The following NRROS variants were observed in gnomAD, a reference collection of about 807,000 sequenced individuals.
NRROS encodes the protein negative regulator of reactive oxygen species.
Under a neutral mutation model 12.0 loss-of-function variants are expected in NRROS, and 6 were observed. The observed-to-expected ratio is 0.50, with a 90% CI of 0.27 to 0.98. The LOEUF (loss-of-function observed/expected upper bound fraction) is 0.98, where lower values mean the gene tolerates loss of function less well. Among genes scored for constraint, NRROS ranks in the 50% least tolerant of loss-of-function variants. The pLI is 0.11. For synonymous variants in NRROS, 462 were observed against 410.2 expected, an observed-to-expected ratio of 1.13 and a Z score of -1.53; for missense variants, 857 against 888.2, an observed-to-expected ratio of 0.96 and a Z score of 0.45.
intron 1 of NRROS, among the ~76,000 whole-genome samples, chr3:196,645,838 A>G (rs1457040569): frequency 6.6e-6 from 1 of 152,088 alleles, no homozygotes; most frequent in East Asian, 1.9e-4. Flanking sequence ...CCCAGGGTCC[A>G]CACGCTGCAG....
At position 196,660,377 on chromosome 3, in the gene NRROS, G is replaced by C. The variant is rs748408648; in HGVS notation, c.734G>C (p.Gly245Ala). ...YNVLEWFLAT[G>A]GEAAFELETL... Reference sequence around the variant, plus strand: ...GTCCTGGAGTGGTTCCTCGCGACCGGGGGAGAGGCTGCCTTCGAGCTGGAG... The same window carrying C: ...GTCCTGGAGTGGTTCCTCGCGACCGCGGGAGAGGCTGCCTTCGAGCTGGAG... The change falls in exon 3 of 3, where the codon GGG becomes GCG. Residue 245 changes from glycine to alanine, a missense_variant. By Grantham distance (60) the Gly-to-Ala change is moderately conservative. Transcript: ENST00000328557. The surrounding 1 kb of genome is among the most constrained non-coding windows in gnomAD (Gnocchi z 7.7). 6.2e-7 allele frequency: 1 copy of C among 1,614,030 alleles called. No homozygotes were observed. The highest frequency in any genetic ancestry group is 8.5e-7 in the Non-Finnish European group (1 of 1,179,992).
chr3:196,661,350 G>C lies in NRROS; in HGVS notation c.1707G>C (p.Ser569=). The C allele has an allele frequency of 1.3e-6, 2 of 1,580,692 alleles. No individual in the cohort carries two copies. The highest frequency in any genetic ancestry group is 1.2e-5 in the South Asian group (1 of 85,958). The change falls in exon 3 of 3, where the codon TCG becomes TCC. Residue 569 remains serine (S), a synonymous_variant. Transcript: ENST00000328557. ...AGACCCTGGATCTCCGTAGAAACTC[G>C]CTCACAGCCCTTCCCCAGAAGGCTG... ...ALETLDLRRN[S]LTALPQKAVS... is the part of the protein sequence containing the mutation.
chr3:196,640,900 G>A lies in NRROS; in HGVS notation c.-14+1025G>A, dbSNP rs536955371. On this transcript the variant is annotated intron_variant, in intron 1 of 2. Coordinates refer to ENST00000328557, the MANE Select transcript of NRROS (RefSeq NM_198565.3). The stretch of plus-strand genomic sequence containing the variant: ...GATGGGCACAGCCCGTTAGGAGTCT[G>A]GGTGCTAGAAACATTCAGCGTCTGT... 4.1e-4 allele frequency among the ~76,000 whole-genome samples: 63 copies of A among 152,306 alleles called. No homozygotes were observed. In the South Asian group the frequency reaches 0.013, roughly 31 times the overall value.
chr3:196,648,000 C>G (rs1259903750), intron 1 of NRROS, among the ~76,000 whole-genome samples: 1 of 152,196 alleles, frequency 6.6e-6, no homozygotes, highest in Non-Finnish European at 1.5e-5. Context: ...CTGTGCCCAG[C>G]CTGTATTTCC....
intron 1 of NRROS, among the ~76,000 whole-genome samples, chr3:196,647,646 C>T (rs1478941766): frequency 2.6e-5 from 4 of 152,326 alleles, no homozygotes; most frequent in Non-Finnish European, 5.9e-5. Flanking sequence ...GCAACCTCTG[C>T]CTCCCAGGTT....
chr3:196,650,500 G>A (rs763285065), intron 1 of NRROS, among the ~76,000 whole-genome samples: 6 of 151,748 alleles, frequency 4.0e-5, no homozygotes, highest in Non-Finnish European at 8.8e-5. Context: ...GGCTGGTCTC[G>A]AACTCCTGAG....
At position 196,661,787 on chromosome 3, in the gene NRROS, T is replaced by G; in HGVS notation, c.*65T>G. 7.1e-7 allele frequency: 1 copy of G among 1,403,656 alleles called. No individual in the cohort carries two copies. The highest frequency in any genetic ancestry group is 9.6e-7 in the Non-Finnish European group (1 of 1,040,592). 87.0% of individuals were successfully genotyped at this position (1,403,656 alleles called of 1,614,324 possible). On this transcript the variant is annotated 3_prime_UTR_variant, in exon 3 of 3. Coordinates refer to ENST00000328557, the MANE Select transcript of NRROS (RefSeq NM_198565.3). ...AACAGGACACTTTCTCTGCCAGCTT[T>G]CAAGATGTGATGCAGAGGCCAAGTC...
At position 196,661,768 on chromosome 3, in the gene NRROS, A is replaced by G. The variant is rs576465166; in HGVS notation, c.*46A>G. On this transcript the variant is annotated 3_prime_UTR_variant, in exon 3 of 3. Coordinates refer to ENST00000328557, the MANE Select transcript of NRROS (RefSeq NM_198565.3). Reference sequence around the variant, plus strand: ...CGAAATTCGGTCCGCACACAACAGGACACTTTCTCTGCCAGCTTTCAAGAT... The same window carrying G: ...CGAAATTCGGTCCGCACACAACAGGGCACTTTCTCTGCCAGCTTTCAAGAT... 290 of 1,484,598 alleles carry G rather than the reference A, an allele frequency of 2.0e-4. 6 individuals carry two copies. In the South Asian group the frequency reaches 2.9e-3, roughly 15 times the overall value. 92.0% of individuals were successfully genotyped at this position (1,484,598 alleles called of 1,614,324 possible).
intron 1 of NRROS, among the ~76,000 whole-genome samples, chr3:196,643,230 G>A (rs1255245792): frequency 2.6e-5 from 4 of 152,220 alleles, no homozygotes; most frequent in Non-Finnish European, 5.9e-5. Flanking sequence ...GTGAGTAGGC[G>A]AAACCAACCA....
chr3:196,642,347 T>C (rs1337516355), intron 1 of NRROS, among the ~76,000 whole-genome samples: 1 of 152,148 alleles, frequency 6.6e-6, no homozygotes, highest in Non-Finnish European at 1.5e-5. Context: ...GGGCAATAGT[T>C]TCAGGCATGG....
chr3:196,658,540 G>A (rs1421891538), intron 2 of NRROS, among the ~76,000 whole-genome samples: 3 of 152,178 alleles, frequency 2.0e-5, no homozygotes, highest in African/African-American at 7.2e-5. Flanking sequence ...CTCTCTCTCG[G>A]GATTTTCCTC....
At position 196,657,447 on chromosome 3, in the gene NRROS, C is replaced by T. The variant is rs142087702; in HGVS notation, c.109-2305C>T. 3.3e-3 allele frequency among the ~76,000 whole-genome samples: 506 copies of T among 151,424 alleles called. 1 individual carries two copies. Among genetic ancestry groups the T allele is most frequent in the African/African-American group, 9.3e-3 (382 of 41,220 alleles). ...ACATAAAGACACACACCTGGCCGGG[C>T]GCGGTGGCTCACACCTGTAATCCCA... On this transcript the variant is annotated intron_variant, in intron 2 of 2. Transcript: ENST00000328557.
Position 196,659,923 on chromosome 3 carries a change from G to C in NRROS, c.280G>C (p.Glu94Gln), listed in dbSNP as rs372524520. 87 of 1,613,978 alleles carry C rather than the reference G, an allele frequency of 5.4e-5. No homozygotes were observed. Among genetic ancestry groups the C allele is most frequent in the Non-Finnish European group, 4.7e-5 (56 of 1,180,016 alleles). ...CCTCAGCCTGCACAGCTGCCACCTGGAGCGCATCAGCCGCGGCGCCTTCCA... is the reference window on the plus strand; with the variant it reads ...CCTCAGCCTGCACAGCTGCCACCTGCAGCGCATCAGCCGCGGCGCCTTCCA... The part of the protein sequence containing the change: ...ESLSLHSCHL[E>Q]RISRGAFQEQ... The change falls in exon 3 of 3, where the codon GAG becomes CAG. Residue 94 changes from glutamate (E) to glutamine (Q), a missense_variant. Physicochemically the swap from Glu to Gln is conservative, Grantham distance 29 (BLOSUM62 2). Transcript: ENST00000328557.
chr3:196,644,895 G>A (rs1737278917), intron 1 of NRROS, among the ~76,000 whole-genome samples: 1 of 151,904 alleles, frequency 6.6e-6, no homozygotes, highest in Non-Finnish European at 1.5e-5. Flanking sequence ...TGAGGCTGTA[G>A]TGTGCTACAA....
intron 1 of NRROS, among the ~76,000 whole-genome samples, chr3:196,640,978 C>A (rs1288603371): frequency 2.6e-5 from 4 of 152,184 alleles, no homozygotes; most frequent in African/African-American, 9.7e-5. Context: ...GACACACAGA[C>A]TGTTCTGTGG....
intron 1 of NRROS, among the ~76,000 whole-genome samples, chr3:196,651,714 C>G (rs528290595): frequency 6.6e-6 from 1 of 151,998 alleles, no homozygotes; most frequent in Non-Finnish European, 1.5e-5. Context: ...TGCAGTGAGG[C>G]GAGATCACAA....
At position 196,661,012 on chromosome 3, in the gene NRROS, G is replaced by A. The variant is rs752583073; in HGVS notation, c.1369G>A (p.Asp457Asn). Residue 457 changes from aspartate (D) to asparagine (N), a missense_variant, in exon 3 of 3, where the codon GAT (aspartate) becomes AAT (asparagine). Physicochemically the swap from Asp to Asn is conservative, Grantham distance 23. Coordinates refer to ENST00000328557, the MANE Select transcript of NRROS (RefSeq NM_198565.3). ...CCGGGTGGGCCCCCCTAGCTGTGTG[G>A]ATTTCAGGAATATGGCATCTTTAAG... Reference protein sequence around the residue: ...SDRVGPPSCVDFRNMASLRSL... With the variant: ...SDRVGPPSCVNFRNMASLRSL... 26 of 1,614,050 alleles carry A rather than the reference G, an allele frequency of 1.6e-5. No homozygotes were observed. The highest frequency in any genetic ancestry group is 1.1e-4 in the African/African-American group (8 of 74,936).
chr3:196,647,331 A>AG (rs1267637929), intron 1 of NRROS, among the ~76,000 whole-genome samples: 5 of 152,240 alleles, frequency 3.3e-5, no homozygotes, highest in South Asian at 4.1e-4. Flanking sequence ...GACAGTTCTT[A>AG]GGGGGGGAGA....
In NRROS at chr3:196,660,365, T is replaced by C; in HGVS notation, c.722T>C (p.Phe241Ser). The change falls in exon 3 of 3, where the codon TTC becomes TCC. Residue 241 changes from phenylalanine to serine, a missense_variant. Physicochemically the swap from Phe to Ser is radical, Grantham distance 155. Transcript: ENST00000328557. This position sits in a 1 kb window ranked among gnomAD's most constrained non-coding sequence, Gnocchi z 7.7. ...GTCAGCTACAACGTCCTGGAGTGGT[T>C]CCTCGCGACCGGGGGAGAGGCTGCC... ...LNVSYNVLEWFLATGGEAAFE... is the reference protein window; with the variant it reads ...LNVSYNVLEWSLATGGEAAFE... 1 of 1,614,024 alleles carries C rather than the reference T, an allele frequency of 6.2e-7. No individual in the cohort carries two copies.
Sources: gnomAD v4.1 joint callset for allele counts (sites outside exome capture counted in the v4.1 genomes callset) on GRCh38, gnomAD v4.1.1 for gene constraint, Gnocchi (gnomAD v3.1) non-coding constraint, MANE v1.5 for transcripts, NCBI Gene and HGNC (gene_info 2026-07-23, HGNC 2026-07-21) for gene names.